FLI1: variants seen among roughly 807,000 people sequenced by gnomAD.
The protein encoded by FLI1 is Fli-1 proto-oncogene, ETS transcription factor, also known as Friend leukemia integration 1 transcription factor.
A neutral mutation model predicts 53.1 loss-of-function variants in FLI1; 13 were observed. That is an observed-to-expected ratio of 0.24 (90% CI 0.16 to 0.39). The LOEUF (loss-of-function observed/expected upper bound fraction) is 0.39. FLI1 is among the 10% of genes least tolerant of loss of function. The pLI, the probability that FLI1 is intolerant of heterozygous loss-of-function variation, is 1.00. For missense variants in FLI1, 424 were observed against 600.5 expected, an observed-to-expected ratio of 0.71 and a Z score of 3.07; for synonymous variants, 244 against 236.7, an observed-to-expected ratio of 1.03 and a Z score of -0.28.
chr11:128,735,621 T>A (rs767113593), intron 1 of FLI1, among the ~76,000 whole-genome samples: 2 of 152,218 alleles, frequency 1.3e-5, no homozygotes, highest in Non-Finnish European at 2.9e-5. Context: ...CATTATCAGA[T>A]GTCTAGATAA....
chr11:128,812,050 T>C lies in FLI1; in HGVS notation c.*1062T>C, dbSNP rs1307793165. 2.4e-5 allele frequency: 5 copies of C among 206,372 alleles called. No homozygotes were observed. Among genetic ancestry groups the C allele is most frequent in the Non-Finnish European group, 5.0e-5 (5 of 100,964 alleles). 12.8% of individuals were successfully genotyped at this position (206,372 alleles called of 1,614,324 possible). On this transcript the variant is annotated 3_prime_UTR_variant, in exon 9 of 9. Transcript: ENST00000527786. ...TAGCTGGTTTTTAAAAAGCATAATA[T>C]GCCTATAGCTGAAAAGGAAACAGGG...
chr11:128,687,846 G>C (rs1937605825), intron 1 of FLI1, among the ~76,000 whole-genome samples: 1 of 152,204 alleles, frequency 6.6e-6, no homozygotes, highest in Non-Finnish European at 1.5e-5. Flanking sequence ...GCCCAAAAAG[G>C]GGTGTTTCAT....
At chr11:128,759,989 C>G (rs1439222332) in intron 2 of FLI1, among the ~76,000 whole-genome samples, 1 of 152,152 alleles carries the variant, frequency 6.6e-6, no homozygotes, top group Non-Finnish European at 1.5e-5. Flanking sequence ...AGGCCTACCA[C>G]ATTTCAACCC....
intron 1 of FLI1, among the ~76,000 whole-genome samples, chr11:128,697,019 G>A (rs1451390661): frequency 6.6e-6 from 1 of 152,082 alleles, no homozygotes; most frequent in Non-Finnish European, 1.5e-5. Flanking sequence ...CTCCTGGAAA[G>A]GCTCTGACCG....
intron 1 of FLI1, among the ~76,000 whole-genome samples, chr11:128,745,856 T>C (rs1214119387): frequency 6.6e-6 from 1 of 152,164 alleles, no homozygotes; most frequent in Non-Finnish European, 1.5e-5. Context: ...CCCATATGCA[T>C]GTTTCCTCGT....
intron 5 of FLI1, among the ~76,000 whole-genome samples, chr11:128,794,778 C>T (rs1325463245): frequency 6.6e-6 from 1 of 152,034 alleles, no homozygotes; most frequent in Admixed American, 6.6e-5. Flanking sequence ...TCTGTAAGAT[C>T]GAGAAGTTTA....
At chr11:128,782,747 G>A (rs1209294449) in intron 5 of FLI1, among the ~76,000 whole-genome samples, 1 of 152,170 alleles carries the variant, frequency 6.6e-6, no homozygotes, top group Non-Finnish European at 1.5e-5. Context: ...TGGCTTAAGG[G>A]TTTGGTCTGG....
intron 1 of FLI1, among the ~76,000 whole-genome samples, chr11:128,743,747 G>A (rs1940247332): frequency 6.6e-6 from 1 of 152,182 alleles, no homozygotes; most frequent in Non-Finnish European, 1.5e-5. Context: ...ACTGTCCGTG[G>A]GTTTTAGCTG....
rs191812993 is a variant in FLI1 at position 128,761,755 on chromosome 11, T to C, written c.230+3429T>C. Among the ~76,000 whole-genome samples, 183 of 152,264 alleles carry C rather than the reference T, an allele frequency of 1.2e-3. 1 individual carries two copies. The highest frequency in any genetic ancestry group is 4.2e-3 in the African/African-American group (175 of 41,558). On this transcript the variant is annotated intron_variant, in intron 2 of 8. Coordinates refer to ENST00000527786, the MANE Select transcript of FLI1 (RefSeq NM_002017.5). ...TTTTCAGAACCCACTTGCCAGCTCA[T>C]ACCTGGCTCCAGTCACACCAAAAGC...
At chr11:128,704,967 T>C (rs1026434974) in intron 1 of FLI1, among the ~76,000 whole-genome samples, 11 of 152,240 alleles carry the variant, frequency 7.2e-5, no homozygotes, top group African/African-American at 2.7e-4. Flanking sequence ...GTGATGTATG[T>C]AATATTTCCA....
At chr11:128,697,379 T>C (rs1223890114) in intron 1 of FLI1, among the ~76,000 whole-genome samples, 1 of 152,202 alleles carries the variant, frequency 6.6e-6, no homozygotes, top group Admixed American at 6.5e-5. Flanking sequence ...CCCGGGTTCA[T>C]TCTCAGCTCT....
intron 4 of FLI1, among the ~76,000 whole-genome samples, chr11:128,773,754 G>T (rs672578): frequency 0.2 from 30,626 of 151,206 alleles, 3,447 homozygotes; most frequent in Admixed American, 0.29. Context: ...GTGCCCTGCT[G>T]GGAATCCAGG....
At chr11:128,792,483 T>G (rs907455266) in intron 5 of FLI1, among the ~76,000 whole-genome samples, 1 of 152,204 alleles carries the variant, frequency 6.6e-6, no homozygotes, top group African/African-American at 2.4e-5. Context: ...GTAATGGAGC[T>G]GCAAAGTATA....
chr11:128,717,255 TG>T (rs1274180736), intron 1 of FLI1, among the ~76,000 whole-genome samples: 1 of 152,104 alleles, frequency 6.6e-6, no homozygotes, highest in African/African-American at 2.4e-5. Flanking sequence ...ACACCTGTGA[TG>T]GGGCTAAGGA....
At chr11:128,706,493 C>T (rs963769051) in intron 1 of FLI1, among the ~76,000 whole-genome samples, 2 of 152,088 alleles carry the variant, frequency 1.3e-5, no homozygotes, top group African/African-American at 4.8e-5. Context: ...TAGGATAGCC[C>T]CCTCCCCAGT....
intron 2 of FLI1, among the ~76,000 whole-genome samples, chr11:128,767,458 C>T (rs537755786): frequency 2.6e-4 from 39 of 152,298 alleles, no homozygotes; most frequent in Middle Eastern, 3.4e-3. Context: ...GCCCCTGTCT[C>T]GATTTCATTA....
At position 128,764,640 on chromosome 11, in the gene FLI1, C is replaced by G. The variant is rs774764172; in HGVS notation, c.231-3478C>G. On this transcript the variant is annotated intron_variant, in intron 2 of 8. Transcript: ENST00000527786. ...CCCCTCCCTCTTGTTTTCATCAAGC[C>G]TTCTTCACAGGCGCCAGCTGCCTCA... The G allele has an allele frequency of 1.6e-4, 244 of 1,531,368 alleles. No homozygotes were observed. Among genetic ancestry groups the G allele is most frequent in the Non-Finnish European group, 2.1e-4 (235 of 1,144,360 alleles). The allele number at this position is 1,531,368 out of a possible 1,614,324, so 94.9% of individuals were successfully genotyped here. A position where few individuals can be genotyped will look rare whatever the true frequency, so the allele number is the denominator to read the frequency against.
intron 1 of FLI1, among the ~76,000 whole-genome samples, chr11:128,703,058 A>G (rs1195415999): frequency 2.6e-5 from 4 of 152,256 alleles, no homozygotes; most frequent in Admixed American, 2.6e-4. Flanking sequence ...ACTAGAAAGA[A>G]AATACAAATG....
chr11:128,784,027 C>G (rs967742619), intron 5 of FLI1, among the ~76,000 whole-genome samples: 2 of 151,954 alleles, frequency 1.3e-5, no homozygotes, highest in African/African-American at 4.8e-5. Context: ...TGGGAGGAAC[C>G]CTAACCTCTG....
Sources: gnomAD v4.1 joint callset for allele counts (sites outside exome capture counted in the v4.1 genomes callset) on GRCh38, gnomAD v4.1.1 for gene constraint, MANE v1.5 for transcripts, NCBI Gene and HGNC (gene_info 2026-07-23, HGNC 2026-07-21) for gene names.